The following SNTG1 variants were observed in gnomAD, a reference collection of about 807,000 sequenced individuals.
SNTG1 encodes the protein syntrophin gamma 1, also known as gamma-1-syntrophin.
SNTG1 carries 39 observed loss-of-function variants against 74.7 expected under a neutral mutation model. The ratio of observed to expected loss-of-function variants is 0.52; its 90% CI spans 0.40 to 0.68. The LOEUF is 0.68. Among genes scored for constraint, SNTG1 ranks in the 30% least tolerant of loss-of-function variants. SNTG1 has a pLI of 0.00. For missense variants in SNTG1, 685 were observed against 609.5 expected (o/e 1.12, Z -1.30); for synonymous variants, 254 against 217.1 (o/e 1.17, Z -1.49).
chr8:50,757,213 G>T (rs2095582676), intron 18 of SNTG1, among the ~76,000 whole-genome samples: 1 of 151,646 alleles, frequency 6.6e-6, no homozygotes, highest in South Asian at 2.1e-4. Context: ...ACAGACATGT[G>T]ATTTTTCTTC....
At chr8:50,206,177 A>G (rs556486886) in intron 2 of SNTG1, among the ~76,000 whole-genome samples, 1 of 152,150 alleles carries the variant, frequency 6.6e-6, no homozygotes, top group African/African-American at 2.4e-5. Flanking sequence ...CATTTTCATG[A>G]TATTGATTCT....
intron 2 of SNTG1, among the ~76,000 whole-genome samples, chr8:50,320,320 A>G (rs2090475123): frequency 6.6e-6 from 1 of 152,174 alleles, no homozygotes; most frequent in African/African-American, 2.4e-5. Context: ...AGAAGCCACA[A>G]ATGATCTTTT....
At chr8:50,252,741 G>T (rs941296408) in intron 2 of SNTG1, among the ~76,000 whole-genome samples, 1 of 152,140 alleles carries the variant, frequency 6.6e-6, no homozygotes, top group Non-Finnish European at 1.5e-5. Context: ...TTACTGTGGG[G>T]AAGACACAAA....
intron 8 of SNTG1, among the ~76,000 whole-genome samples, chr8:50,477,490 C>CA (rs374797100): frequency 2.7e-4 from 41 of 151,114 alleles, no homozygotes; most frequent in Admixed American, 7.3e-4. Flanking sequence ...TTAAGGCCTT[C>CA]AAAAAAAAGA....
At chr8:50,039,790 T>G (rs1383741814) in intron 1 of SNTG1, among the ~76,000 whole-genome samples, 3 of 152,168 alleles carry the variant, frequency 2.0e-5, no homozygotes, top group Admixed American at 6.5e-5. Flanking sequence ...TGTTATATTT[T>G]TTCTAGTAAT....
intron 8 of SNTG1, among the ~76,000 whole-genome samples, chr8:50,456,411 G>A (rs940087996): frequency 2.0e-5 from 3 of 151,762 alleles, no homozygotes; most frequent in East Asian, 1.9e-4. Flanking sequence ...TCACAGTCAT[G>A]GAGACTGGGA....
intron 3 of SNTG1, among the ~76,000 whole-genome samples, chr8:50,401,039 C>T (rs1045787335): frequency 6.6e-6 from 1 of 152,028 alleles, no homozygotes; most frequent in African/African-American, 2.4e-5. Flanking sequence ...TATATACATA[C>T]ATCAAAACCT....
intron 12 of SNTG1, among the ~76,000 whole-genome samples, chr8:50,555,138 A>G (rs1177346951): frequency 6.6e-6 from 1 of 152,142 alleles, no homozygotes; most frequent in Non-Finnish European, 1.5e-5. Flanking sequence ...GCCGCATTTT[A>G]CTGCTTGTTT....
intron 8 of SNTG1, among the ~76,000 whole-genome samples, chr8:50,487,740 G>T (rs1279916305): frequency 1.3e-5 from 2 of 151,762 alleles, no homozygotes; most frequent in African/African-American, 4.8e-5. Context: ...AATGCTTGAT[G>T]ACGAGTTAGT....
chr8:50,251,689 T>C (rs1266934496), intron 2 of SNTG1, among the ~76,000 whole-genome samples: 1 of 152,012 alleles, frequency 6.6e-6, no homozygotes, highest in African/African-American at 2.4e-5. Context: ...ATTATGAATA[T>C]GTATGCACCC....
intron 16 of SNTG1, among the ~76,000 whole-genome samples, chr8:50,705,603 T>G (rs948815421): frequency 2.6e-5 from 4 of 152,182 alleles, no homozygotes; most frequent in Non-Finnish European, 4.4e-5. Context: ...CAGTCTGTTT[T>G]GTATTGCAGT....
intron 1 of SNTG1, among the ~76,000 whole-genome samples, chr8:50,144,781 G>A (rs1173026627): frequency 6.6e-6 from 1 of 152,134 alleles, no homozygotes; most frequent in African/African-American, 2.4e-5. Flanking sequence ...ACATATATAG[G>A]TACACAGAGC....
chr8:50,238,128 GA>G (rs2085999145), intron 2 of SNTG1, among the ~76,000 whole-genome samples: 1 of 151,966 alleles, frequency 6.6e-6, no homozygotes, highest in African/African-American at 2.4e-5. Context: ...ATTTTTCACA[GA>G]ATTAGAAAAA....
chr8:50,241,999 C>T (rs1250939851), intron 2 of SNTG1, among the ~76,000 whole-genome samples: 6 of 151,900 alleles, frequency 3.9e-5, no homozygotes, highest in African/African-American at 1.2e-4. Flanking sequence ...AAAATGCTCC[C>T]TCTTAACTGG....
At chr8:50,470,934 TTTTACAGAGTGCTGATTGGTTCATA>T (rs1480716076) in intron 8 of SNTG1, among the ~76,000 whole-genome samples, 3 of 152,288 alleles carry the variant, frequency 2.0e-5, no homozygotes, top group East Asian at 1.9e-4. Context: ...AATTTGTCCA[TTTTACAGAGTGCTGATTGGTTCATA>T]TTTACAGAGT....
intron 13 of SNTG1, among the ~76,000 whole-genome samples, chr8:50,641,180 G>T (rs1008532728): frequency 1.3e-5 from 2 of 152,018 alleles, no homozygotes; most frequent in Non-Finnish European, 1.5e-5. Flanking sequence ...TGAAGTACAC[G>T]CCTAAAGCAA....
intron 1 of SNTG1, among the ~76,000 whole-genome samples, chr8:50,104,121 G>A (rs918891348): frequency 3.9e-5 from 6 of 152,162 alleles, no homozygotes; most frequent in Admixed American, 2.0e-4. Flanking sequence ...GATTGGAATA[G>A]TTTCAGAAGG....
At chr8:50,293,144 G>A (rs906885954) in intron 2 of SNTG1, among the ~76,000 whole-genome samples, 1 of 152,066 alleles carries the variant, frequency 6.6e-6, no homozygotes, top group African/African-American at 2.4e-5. Flanking sequence ...TCACGTGATT[G>A]TCTGCTAGGG....
intron 10 of SNTG1, among the ~76,000 whole-genome samples, chr8:50,531,930 T>G (rs1467510911): frequency 2.0e-5 from 3 of 152,180 alleles, no homozygotes; most frequent in African/African-American, 7.2e-5. Flanking sequence ...TTCTGGTTTG[T>G]TTTTAATCCA....
Sources: allele counts gnomAD v4.1 joint callset (sites outside exome capture counted in the v4.1 genomes callset), GRCh38; gene constraint gnomAD v4.1.1; transcripts MANE v1.5; gene names NCBI Gene and HGNC (gene_info 2026-07-23, HGNC 2026-07-21).